The following WDR27 variants were observed in gnomAD, a reference collection of about 807,000 sequenced individuals.
WDR27 encodes WD repeat domain 27.
In WDR27, 100 loss-of-function variants were observed where a neutral mutation model predicts 114.4. The observed-to-expected ratio is 0.87, with a 90% CI of 0.74 to 1.03. WDR27 has a LOEUF of 1.03. Among genes scored for constraint, WDR27 ranks in the 50% least tolerant of loss-of-function variants. The pLI, the probability that WDR27 is intolerant of heterozygous loss-of-function variation, is 0.00. For synonymous variants in WDR27, 449 were observed against 423.1 expected, an observed-to-expected ratio of 1.06 and a Z score of -0.75; for missense variants, 1,129 against 1,092.9, an observed-to-expected ratio of 1.03 and a Z score of -0.47.
chr6:169,667,403 A>C lies in WDR27; in HGVS notation c.661-216T>G, dbSNP rs139237348. 1,082 of 1,213,206 alleles carry C rather than the reference A, an allele frequency of 8.9e-4. 10 individuals are homozygous for C. In the African/African-American group the frequency reaches 0.015, roughly 17 times the overall value. 75.2% of individuals were successfully genotyped at this position (1,213,206 alleles called of 1,614,324 possible). The stretch of plus-strand genomic sequence containing the variant: ...AAAATAACATCACTTCCATAAATAA[A>C]ACCCTGGTGGATTTGAAGAATTGGA... On this transcript the variant is annotated intron_variant, in intron 5 of 25. Transcript: ENST00000448612.
chr6:169,602,246 G>A lies in WDR27; in HGVS notation c.2397C>T (p.Phe799=), dbSNP rs189008830. 5.7e-4 allele frequency: 892 copies of A among 1,562,020 alleles called. 10 individuals carry two copies. The African/African-American group carries it at 0.01, about 18-fold the overall frequency. The change falls in exon 23 of 26, where the codon TTC becomes TTT. Residue 799 remains phenylalanine (F), a synonymous_variant. Transcript: ENST00000448612. ...CGIAFSPCGR[F]AACGAEDRHA... is the part of the protein sequence containing the mutation. ...GTCTGTCCTCGGCCCCACAAGCCGC[G>A]AATCGTCCACAAGGACTGAAAGCGA...
intron 25 of WDR27, among the ~76,000 whole-genome samples, chr6:169,566,144 G>A (rs1489635131): frequency 6.6e-6 from 1 of 151,160 alleles, no homozygotes; most frequent in African/African-American, 2.4e-5. Flanking sequence ...ATTTTGTAAT[G>A]TATTGTTACT....
intron 23 of WDR27, among the ~76,000 whole-genome samples, chr6:169,601,761 G>T (rs1455450116): frequency 1.3e-5 from 2 of 152,226 alleles, no homozygotes; most frequent in African/African-American, 2.4e-5. Flanking sequence ...ATTAGTACCT[G>T]CCCCAAATCC....
chr6:169,665,668 C>A, intron 6 of WDR27, 112 bp from the exon 7 acceptor site: 1 of 1,024,412 alleles, frequency 9.8e-7, no homozygotes. Context: ...TACAGTATTT[C>A]TGTTAGTCAA....
intron 25 of WDR27, among the ~76,000 whole-genome samples, chr6:169,560,944 C>T (rs1451946223): frequency 6.6e-6 from 1 of 151,550 alleles, no homozygotes; most frequent in South Asian, 2.1e-4. Flanking sequence ...ACTACATAGA[C>T]AAATATATAG....
chr6:169,648,663 A>G (rs569512442), intron 15 of WDR27, among the ~76,000 whole-genome samples: 2 of 152,366 alleles, frequency 1.3e-5, no homozygotes, highest in South Asian at 4.1e-4. Context: ...GCAGTAGCCC[A>G]TATCTCTCCT....
chr6:169,563,380 A>G (rs1358524243), intron 25 of WDR27, among the ~76,000 whole-genome samples: 1 of 152,116 alleles, frequency 6.6e-6, no homozygotes. Flanking sequence ...CAGGGTCTCT[A>G]CCAAGCCAGA....
At chr6:169,615,837 AACAG>A (rs1811687847) in intron 21 of WDR27, among the ~76,000 whole-genome samples, 1 of 152,202 alleles carries the variant, frequency 6.6e-6, no homozygotes, top group Non-Finnish European at 1.5e-5. Context: ...CAACAGAGTA[AACAG>A]ACAACCTACA....
intron 1 of WDR27, among the ~76,000 whole-genome samples, chr6:169,699,679 A>C (rs947470930): frequency 4.6e-5 from 7 of 152,150 alleles, no homozygotes; most frequent in African/African-American, 1.4e-4. Context: ...CTAAGGGTAG[A>C]ATCAAGGGCC....
intron 1 of WDR27, among the ~76,000 whole-genome samples, chr6:169,693,387 T>G (rs1784995503): frequency 6.6e-6 from 1 of 152,138 alleles, no homozygotes; most frequent in South Asian, 2.1e-4. Flanking sequence ...AGAACCTCCT[T>G]AAAACGTAAA....
At chr6:169,686,206 C>T (rs918434964) in intron 2 of WDR27, among the ~76,000 whole-genome samples, 3 of 152,052 alleles carry the variant, frequency 2.0e-5, no homozygotes, top group South Asian at 2.1e-4. Flanking sequence ...GTCTTTTATC[C>T]GGAAGGAGAA....
chr6:169,636,585 TC>T, intron 18 of WDR27, 81 bp from the exon 19 acceptor site: 1 of 1,377,776 alleles, frequency 7.3e-7, no homozygotes, highest in South Asian at 1.5e-5. Flanking sequence ...AATTATTTCT[TC>T]TTAAAACCCA....
chr6:169,531,049 C>T (rs1046881325), intron 25 of WDR27, among the ~76,000 whole-genome samples: 1 of 152,272 alleles, frequency 6.6e-6, no homozygotes, highest in African/African-American at 2.4e-5. Flanking sequence ...GTGTTTTTCA[C>T]TAGATTAAGG....
intron 25 of WDR27, among the ~76,000 whole-genome samples, chr6:169,530,781 C>T (rs1795492706): frequency 6.6e-6 from 1 of 152,184 alleles, no homozygotes; most frequent in Non-Finnish European, 1.5e-5. Context: ...AATAATGCAT[C>T]CATAACAAAG....
intron 1 of WDR27, among the ~76,000 whole-genome samples, chr6:169,698,854 G>C (rs1787005095): frequency 6.6e-6 from 1 of 152,226 alleles, no homozygotes; most frequent in African/African-American, 2.4e-5. Context: ...CACCAGGCTG[G>C]ACTGTTGTGT....
rs764372578 is a variant in WDR27, at chr6:169,643,755, G to A, written c.1689C>T (p.Ala563=). The A allele has an allele frequency of 1.9e-6, 3 of 1,613,598 alleles. No individual in the cohort carries two copies. In the Admixed American group the frequency reaches 5.0e-5, roughly 27 times the overall value. ...GDGQWLACGL[A]NHLLLVFDAS... The stretch of plus-strand genomic sequence containing the variant: ...CATCAAAAACGAGTAACAGATGGTT[G>A]GCCAACCCACAGGCCAGCCACTGCC... Residue 563 remains alanine, a synonymous_variant, in exon 17 of 26, where the codon GCC becomes GCT. Transcript: ENST00000448612.
At chr6:169,619,444 G>A (rs1812621484) in intron 21 of WDR27, among the ~76,000 whole-genome samples, 1 of 152,148 alleles carries the variant, frequency 6.6e-6, no homozygotes, top group South Asian at 2.1e-4. Flanking sequence ...GAGTGACCAC[G>A]GCCCGTGACA....
chr6:169,544,426 C>CTTTTTT (rs201281369), intron 25 of WDR27, among the ~76,000 whole-genome samples: 1 of 140,872 alleles, frequency 7.1e-6, no homozygotes, highest in Non-Finnish European at 1.6e-5. Context: ...ATTTCTTTTC[C>CTTTTTT]TTTTTTTTTT....
At chr6:169,451,336 A>G in the WDR27 span, among the ~76,000 whole-genome samples, 1 of 152,222 alleles carries the variant, frequency 6.6e-6, no homozygotes, top group Non-Finnish European at 1.5e-5. Context: ...TACATCATAC[A>G]TATAATGATT....
Sources: gnomAD v4.1 joint callset for allele counts (sites outside exome capture counted in the v4.1 genomes callset) on GRCh38, gnomAD v4.1.1 for gene constraint, MANE v1.5 for transcripts, NCBI Gene and HGNC (gene_info 2026-07-23, HGNC 2026-07-21) for gene names.